Variants in CRLS1 observed in about 807,000 individuals in gnomAD.
CRLS1 encodes cardiolipin synthase (CMP-forming).
A neutral mutation model predicts 37.0 loss-of-function variants in CRLS1; 24 were observed. The observed-to-expected ratio is 0.65, with a 90% confidence interval of 0.47 to 0.91. CRLS1 has a LOEUF of 0.91. Ranked by LOEUF, CRLS1 falls within the 40% of genes least tolerant of loss-of-function variation. The pLI, the probability that CRLS1 is intolerant of heterozygous loss-of-function variation, is 0.00. For missense variants in CRLS1, 373 were observed against 395.8 expected, an observed-to-expected ratio of 0.94 and a Z score of 0.49; for synonymous variants, 135 against 159.7, an observed-to-expected ratio of 0.85 and a Z score of 1.17.
chr20:6,017,699 ATCTGTTTGGATT>A (rs1978866893), intron 3 of CRLS1, among the ~76,000 whole-genome samples: 2 of 152,170 alleles, frequency 1.3e-5, no homozygotes. Flanking sequence ...CCAGAGAAAA[ATCTGTTTGGATT>A]TTGATTGGGA....
chr20:6,019,002 A>G (rs1227435255), intron 3 of CRLS1, among the ~76,000 whole-genome samples: 3 of 152,088 alleles, frequency 2.0e-5, no homozygotes, highest in African/African-American at 4.8e-5. Flanking sequence ...AATTCTTCAT[A>G]TATTCTTGTT....
rs376164397 is a variant in CRLS1 at position 6,015,501 on chromosome 20, G to A, written c.574+11G>A. 5.0e-6 allele frequency: 8 copies of A among 1,611,396 alleles called. No homozygotes were observed. In the Admixed American group the frequency reaches 6.7e-5, roughly 13 times the overall value. On this transcript the variant is annotated intron_variant, in intron 3 of 6. Transcript: ENST00000378863. ...CAGATCTTATTCCAGGTAAGAACGC[G>A]TCATGCGTACTTTTGAATAGCACAG...
intron 3 of CRLS1, among the ~76,000 whole-genome samples, chr20:6,017,850 T>C (rs1022587423): frequency 2.6e-5 from 4 of 152,222 alleles, no homozygotes; most frequent in Non-Finnish European, 5.9e-5. Flanking sequence ...TCCAGAAAGA[T>C]AATAAACACT....
chr20:6,020,799 T>A (rs1979204156), intron 3 of CRLS1, among the ~76,000 whole-genome samples: 1 of 25,374 alleles, frequency 3.9e-5, no homozygotes. Context: ...ATTTTTTGTA[T>A]TTTTTTTTTT....
chr20:6,006,011 A>G, upstream of CRLS1: 1 of 338,842 alleles, frequency 3.0e-6, no homozygotes, highest in Non-Finnish European at 5.3e-6. Flanking sequence ...CCGCTGTGCC[A>G]GGGGCGCCGG....
chr20:6,012,417 T>C (rs1978395807), intron 2 of CRLS1, among the ~76,000 whole-genome samples: 2 of 152,250 alleles, frequency 1.3e-5, no homozygotes, highest in Admixed American at 6.5e-5. Flanking sequence ...GGTTGGAGTT[T>C]GGAGTTGGAG....
intron 2 of CRLS1, among the ~76,000 whole-genome samples, chr20:6,011,622 G>A (rs924739662): frequency 3.3e-4 from 22 of 67,496 alleles, no homozygotes; most frequent in African/African-American, 1.1e-3. Flanking sequence ...GACTGACTCT[G>A]TCGCCCAGGC....
At chr20:6,020,134 A>G (rs1251979192) in intron 3 of CRLS1, among the ~76,000 whole-genome samples, 1 of 152,276 alleles carries the variant, frequency 6.6e-6, no homozygotes, top group Admixed American at 6.5e-5. Context: ...CATGTAATCA[A>G]TAAATTAATG....
At chr20:6,034,644 G>GC in intron 6 of CRLS1, 89 bp downstream of exon 6, 1 of 919,448 alleles carries the variant, frequency 1.1e-6, no homozygotes, top group Non-Finnish European at 1.7e-6. Flanking sequence ...TACAGCATTT[G>GC]TTGAGCACTG....
chr20:6,027,631 TCTCGAACTCTTGGC>T (rs1028585245), intron 3 of CRLS1, among the ~76,000 whole-genome samples: 19 of 151,960 alleles, frequency 1.3e-4, no homozygotes, highest in African/African-American at 4.4e-4. Context: ...GCCAGGCTGG[TCTCGAACTCTTGGC>T]CTCAAGTGAT....
At chr20:6,033,192 C>T (rs1030465401) in intron 5 of CRLS1, among the ~76,000 whole-genome samples, 13 of 151,632 alleles carry the variant, frequency 8.6e-5, no homozygotes, top group South Asian at 2.1e-4. Context: ...TGCAATGACG[C>T]GATCTTGGCT....
rs189407353 is a variant in CRLS1 at position 6,007,287 on chromosome 20, G to C, written c.306+735G>C. 1.1e-5 allele frequency: 17 copies of C among 1,563,668 alleles called. No individual in the cohort carries two copies. The Admixed American group carries it at 2.3e-4, about 21-fold the overall frequency. ...CATGGGTTGAGGTGGCCAGATCCTG[G>C]CAGGGGTCTCAACTCCACTGATAGC... On this transcript the variant is annotated intron_variant, in intron 1 of 6. Coordinates refer to ENST00000378863, the MANE Select transcript of CRLS1 (RefSeq NM_019095.6).
At chr20:6,007,543 C>G (rs1220211272) in intron 1 of CRLS1, 1 of 857,734 alleles carries the variant, frequency 1.2e-6, no homozygotes, top group East Asian at 2.7e-5. Context: ...ACTCCCTTCA[C>G]TGTTCCAGCA....
At chr20:6,026,621 TG>T (rs1979730021) in intron 3 of CRLS1, among the ~76,000 whole-genome samples, 1 of 152,172 alleles carries the variant, frequency 6.6e-6, no homozygotes, top group Non-Finnish European at 1.5e-5. Flanking sequence ...TTGAAATGTA[TG>T]GTGATCCTTG....
At chr20:6,013,977 G>T (rs908659670) in intron 2 of CRLS1, among the ~76,000 whole-genome samples, 1 of 152,180 alleles carries the variant, frequency 6.6e-6, no homozygotes, top group Non-Finnish European at 1.5e-5. Flanking sequence ...GAAAGGTTAA[G>T]TTCCCTGAGG....
In CRLS1 at chr20:6,039,610, A is replaced by AAGAT. The variant is rs1980829339; in HGVS notation, c.*2454_*2457dup. ...GTGGCTTGAATCGCATCTCCCAAGAAAGATACGTTCACGTTCAAACCCCCA... is the reference window on the plus strand; with the variant it reads ...GTGGCTTGAATCGCATCTCCCAAGAAAGATAGATACGTTCACGTTCAAACCCCCA... On this transcript the variant is annotated 3_prime_UTR_variant, in exon 7 of 7. Coordinates refer to ENST00000378863, the MANE Select transcript of CRLS1 (RefSeq NM_019095.6). The AAGAT allele has an allele frequency of 6.6e-6, 1 of 152,162 alleles. No individual in the cohort carries two copies. The highest frequency in any genetic ancestry group is 2.4e-5 in the African/African-American group (1 of 41,432). 9.4% of individuals were successfully genotyped at this position (152,162 alleles called of 1,614,324 possible).
At chr20:6,018,190 C>G (rs558335120) in intron 3 of CRLS1, among the ~76,000 whole-genome samples, 2 of 120,410 alleles carry the variant, frequency 1.7e-5, no homozygotes, top group South Asian at 5.3e-4. Context: ...CACTCCAGCC[C>G]GAGTGATGGA....
chr20:6,011,436 A>G (rs1043570746), intron 2 of CRLS1, among the ~76,000 whole-genome samples: 4 of 152,038 alleles, frequency 2.6e-5, no homozygotes, highest in Admixed American at 2.6e-4. Flanking sequence ...GCATTGTTAC[A>G]TGGCATTTCC....
chr20:6,031,788 T>C (rs1313996749), intron 4 of CRLS1, among the ~76,000 whole-genome samples: 1 of 152,308 alleles, frequency 6.6e-6, no homozygotes, highest in East Asian at 1.9e-4. Context: ...AATTTTGAGT[T>C]TAGTAAAATT....
Sources: allele counts gnomAD v4.1 joint callset (sites outside exome capture counted in the v4.1 genomes callset), GRCh38; gene constraint gnomAD v4.1.1; transcripts MANE v1.5; gene names NCBI Gene and HGNC (gene_info 2026-07-23, HGNC 2026-07-21).